The following SAMMSON variants were observed in gnomAD, a reference collection of about 807,000 sequenced individuals.
SAMMSON encodes the protein long intergenic non-protein coding RNA 1212.
chr3:70,145,943 T>G (rs2067547201), intron 4 of SAMMSON, among the ~76,000 whole-genome samples: 2 of 151,770 alleles, frequency 1.3e-5, no homozygotes, highest in Non-Finnish European at 2.9e-5. Flanking sequence ...TCAATAAAAT[T>G]GACAATCCTC....
chr3:70,386,048 G>A (rs59550045), intron 9 of SAMMSON, among the ~76,000 whole-genome samples: 14,534 of 152,122 alleles, frequency 0.096, 984 homozygotes, highest in East Asian at 0.4. Flanking sequence ...AGAGTTCTTC[G>A]CTGTGGGGAA....
intron 6 of SAMMSON, among the ~76,000 whole-genome samples, chr3:70,249,897 G>A (rs1018365989): frequency 2.6e-5 from 4 of 152,110 alleles, no homozygotes; most frequent in Non-Finnish European, 5.9e-5. Context: ...TCTTGAGGGG[G>A]CAAGAGAATT....
intron 2 of SAMMSON, among the ~76,000 whole-genome samples, chr3:70,396,400 A>T (rs1441870999): frequency 6.6e-6 from 1 of 152,216 alleles, no homozygotes; most frequent in Non-Finnish European, 1.5e-5. Flanking sequence ...TTCTTCAGTC[A>T]TGCCTAATGT....
At chr3:70,248,134 A>G (rs1236376425) in intron 4 of SAMMSON, among the ~76,000 whole-genome samples, 1 of 152,110 alleles carries the variant, frequency 6.6e-6, no homozygotes, top group Non-Finnish European at 1.5e-5. Context: ...GAACCATATT[A>G]TTCTCTGTCC....
At chr3:70,198,407 A>C (rs1045304989) in intron 4 of SAMMSON, among the ~76,000 whole-genome samples, 1 of 152,176 alleles carries the variant, frequency 6.6e-6, no homozygotes, top group African/African-American at 2.4e-5. Flanking sequence ...TTTATTTTCC[A>C]GAAAGCTCTT....
intron 4 of SAMMSON, among the ~76,000 whole-genome samples, chr3:70,163,298 A>C (rs750303489): frequency 1.3e-5 from 2 of 150,038 alleles, no homozygotes; most frequent in Admixed American, 1.3e-4. Flanking sequence ...ATTTTCTGAC[A>C]TATAAATCAG....
intron 4 of SAMMSON, among the ~76,000 whole-genome samples, chr3:70,123,036 G>A (rs918142998): frequency 1.3e-5 from 2 of 152,104 alleles, no homozygotes; most frequent in Non-Finnish European, 2.9e-5. Flanking sequence ...ATAGTCCCTA[G>A]CCCTTACCTG....
chr3:70,028,178 CCTTCCTTCCTTTCTTT>C (rs1479761994), intron 3 of SAMMSON, among the ~76,000 whole-genome samples: 2 of 69,950 alleles, frequency 2.9e-5, no homozygotes, highest in African/African-American at 1.1e-4. Flanking sequence ...TTCCTTCCTT[CCTTCCTTCCTTTCTTT>C]CTTTCTTTCT....
intron 9 of SAMMSON, among the ~76,000 whole-genome samples, chr3:70,359,729 TAC>T (rs1702857861): frequency 6.6e-6 from 1 of 152,234 alleles, no homozygotes; most frequent in Admixed American, 6.5e-5. Context: ...TTATTGCTGA[TAC>T]AGAGATAGTG....
At position 70,230,364 on chromosome 3, in the gene SAMMSON, A is replaced by G. The variant is rs139306511; in HGVS notation, n.508-18743A>G. ...CATAGCAATAGAAATTTTTTTCACCAGGATATCCTTTCATAAAAATCTGTG... is the reference window on the plus strand; with the variant it reads ...CATAGCAATAGAAATTTTTTTCACCGGGATATCCTTTCATAAAAATCTGTG... On this transcript the variant is annotated intron_variant and non_coding_transcript_variant, in intron 4 of 9. Transcript: ENST00000642114. 3.2e-4 allele frequency among the ~76,000 whole-genome samples: 49 copies of G among 152,302 alleles called. No individual in the cohort carries two copies. In the East Asian group the frequency reaches 9.3e-3, roughly 29 times the overall value.
intron 4 of SAMMSON, chr3:70,205,302 C>G (rs576491190): frequency 6.6e-6 from 1 of 152,084 alleles, no homozygotes; most frequent in Non-Finnish European, 1.5e-5. Context: ...TGCTCTCCAG[C>G]TTGCCATAGT....
intron 7 of SAMMSON, among the ~76,000 whole-genome samples, chr3:70,347,849 C>G (rs1477887769): frequency 6.6e-6 from 1 of 152,168 alleles, no homozygotes; most frequent in Non-Finnish European, 1.5e-5. Flanking sequence ...TTGAGACCAG[C>G]TTGGCCAACA....
chr3:70,193,858 T>A (rs1019458554), intron 4 of SAMMSON, among the ~76,000 whole-genome samples: 3 of 152,152 alleles, frequency 2.0e-5, no homozygotes, highest in South Asian at 2.1e-4. Flanking sequence ...ATCTATACAT[T>A]TATCCTTGAA....
At chr3:70,172,876 TA>T (rs1700970829) in intron 4 of SAMMSON, 2 of 152,138 alleles carry the variant, frequency 1.3e-5, no homozygotes, top group African/African-American at 4.8e-5. Flanking sequence ...ACATGTTCCA[TA>T]ATAGTTATTT....
chr3:70,045,721 A>G (rs1254049573), intron 3 of SAMMSON, among the ~76,000 whole-genome samples: 1 of 151,114 alleles, frequency 6.6e-6, no homozygotes, highest in Non-Finnish European at 1.5e-5. Context: ...TAAAATGAAT[A>G]TATTGTTTGT....
intron 6 of SAMMSON, among the ~76,000 whole-genome samples, chr3:70,269,125 A>G (rs771648119): frequency 1.3e-5 from 2 of 152,228 alleles, no homozygotes; most frequent in Admixed American, 6.5e-5. Context: ...AATAATATTT[A>G]CAAGGCTGAC....
chr3:70,075,716 G>A (rs1317268936), intron 4 of SAMMSON, among the ~76,000 whole-genome samples: 1 of 152,050 alleles, frequency 6.6e-6, no homozygotes, highest in African/African-American at 2.4e-5. Flanking sequence ...ATTTCCAAAT[G>A]TTATTCTGAA....
intron 3 of SAMMSON, among the ~76,000 whole-genome samples, chr3:70,037,805 C>T (rs919236663): frequency 2.6e-5 from 4 of 152,150 alleles, no homozygotes; most frequent in Non-Finnish European, 5.9e-5. Context: ...TGTAGACACT[C>T]TCAATTGACC....
chr3:70,118,910 GAAAATAT>G (rs1238240254), intron 4 of SAMMSON, among the ~76,000 whole-genome samples: 1 of 152,184 alleles, frequency 6.6e-6, no homozygotes, highest in African/African-American at 2.4e-5. Flanking sequence ...AATGTGACCA[GAAAATAT>G]GAGGAGATAG....
Sources: gnomAD v4.1 joint callset for allele counts (sites outside exome capture counted in the v4.1 genomes callset) on GRCh38, gnomAD v4.1.1 for gene constraint, MANE v1.5 for transcripts, NCBI Gene and HGNC (gene_info 2026-07-23, HGNC 2026-07-21) for gene names.